SPOCK1: variants seen among roughly 807,000 people sequenced by gnomAD.
SPOCK1 encodes testican-1.
In SPOCK1, 23 loss-of-function variants were observed where a neutral mutation model predicts 55.3. That is an observed-to-expected ratio of 0.42 (90% confidence interval 0.30 to 0.59). SPOCK1 has a LOEUF of 0.59. Ranked by LOEUF, SPOCK1 falls within the 20% of genes least tolerant of loss-of-function variation. SPOCK1 has a pLI of 0.22. For missense variants in SPOCK1, 499 were observed against 552.5 expected, an observed-to-expected ratio of 0.90 and a Z score of 0.97; for synonymous variants, 226 against 221.0, an observed-to-expected ratio of 1.02 and a Z score of -0.20.
intron 2 of SPOCK1, among the ~76,000 whole-genome samples, chr5:137,305,919 A>G (rs1757694528): frequency 6.6e-6 from 1 of 152,242 alleles, no homozygotes; most frequent in African/African-American, 2.4e-5. Context: ...AGATCTTTTA[A>G]CAACAATTAG....
chr5:137,446,967 T>C (rs116164845), intron 2 of SPOCK1, among the ~76,000 whole-genome samples: 3 of 152,208 alleles, frequency 2.0e-5, no homozygotes, highest in Non-Finnish European at 4.4e-5. Flanking sequence ...ATCCATGTTG[T>C]AACATGTGAT....
intron 3 of SPOCK1, among the ~76,000 whole-genome samples, chr5:137,160,570 ATTATAT>A (rs1754518041): frequency 4.1e-5 from 3 of 73,192 alleles, no homozygotes; most frequent in African/African-American, 6.0e-5. Context: ...TATATTATAT[ATTATAT>A]AATATATATA....
chr5:137,422,619 T>A (rs1162391001), intron 2 of SPOCK1, among the ~76,000 whole-genome samples: 1 of 152,252 alleles, frequency 6.6e-6, no homozygotes, highest in Non-Finnish European at 1.5e-5. Flanking sequence ...TTCCCATGCC[T>A]TGGTTTTCAG....
intron 2 of SPOCK1, among the ~76,000 whole-genome samples, chr5:137,338,870 G>GT (rs1175327080): frequency 3.3e-5 from 5 of 152,086 alleles, no homozygotes; most frequent in Admixed American, 6.6e-5. Flanking sequence ...GGGGTTGTTT[G>GT]TTTTTTTCTA....
chr5:137,409,889 G>A (rs1410581724), intron 2 of SPOCK1, among the ~76,000 whole-genome samples: 3 of 152,322 alleles, frequency 2.0e-5, no homozygotes, highest in South Asian at 4.1e-4. Context: ...ATGGTTGAAT[G>A]GAAATTCAGT....
intron 5 of SPOCK1, among the ~76,000 whole-genome samples, chr5:137,075,213 A>G (rs1752733842): frequency 6.6e-6 from 1 of 152,198 alleles, no homozygotes; most frequent in Non-Finnish European, 1.5e-5. Context: ...TAATTATTAA[A>G]CTAATAGCCA....
In SPOCK1 at chr5:137,447,343, C is replaced by G. The variant is rs117290425; in HGVS notation, c.186+51030G>C. Among the ~76,000 whole-genome samples the G allele has an allele frequency of 9.0e-4, 137 of 152,226 alleles. 1 individual carries two copies. Among genetic ancestry groups the G allele is most frequent in the East Asian group, 5.4e-3 (28 of 5,182 alleles). On this transcript the variant is annotated intron_variant, in intron 2 of 10. Coordinates refer to ENST00000394945, the MANE Select transcript of SPOCK1 (RefSeq NM_004598.4). Reference sequence around the variant, plus strand: ...TCGTGTGTGCTACATAACGAATGCCCCTGAATACACAGAGGAGACCATGAC... The same window carrying G: ...TCGTGTGTGCTACATAACGAATGCCGCTGAATACACAGAGGAGACCATGAC...
At chr5:137,239,278 A>C (rs926088205) in intron 3 of SPOCK1, among the ~76,000 whole-genome samples, 1 of 152,206 alleles carries the variant, frequency 6.6e-6, no homozygotes, top group African/African-American at 2.4e-5. Context: ...AAGGTGATGC[A>C]CCCCAACTCC....
intron 3 of SPOCK1, among the ~76,000 whole-genome samples, chr5:137,215,603 T>A (rs1453703846): frequency 6.6e-6 from 1 of 152,066 alleles, no homozygotes. Flanking sequence ...TGTGTATGAG[T>A]TTTTAAGATG....
In SPOCK1 at chr5:136,976,818, T is replaced by G. The variant is rs1485002772; in HGVS notation, c.*1836A>C. The G allele has an allele frequency of 6.6e-6, 1 of 152,248 alleles. No homozygotes were observed. The highest frequency in any genetic ancestry group is 1.5e-5 in the Non-Finnish European group (1 of 68,038). 9.4% of individuals were successfully genotyped at this position (152,248 alleles called of 1,614,324 possible). ...TTGCTATATCAAGTAGTTCATTTCT[T>G]ATCTAAGACCAACTATAGGTATGAT... On this transcript the variant is annotated 3_prime_UTR_variant, in exon 11 of 11. Transcript: ENST00000394945.
In SPOCK1 at chr5:137,070,200, C is replaced by T. The variant is rs111653252; in HGVS notation, c.475-2371G>A. On this transcript the variant is annotated intron_variant, in intron 5 of 10. Transcript: ENST00000394945. ...CAGATAAGGGCTGTTCCCTTCTGCC[C>T]AGGACCCAGAAGGCAGAGAACATGG... 9.0e-3 allele frequency among the ~76,000 whole-genome samples: 1,374 copies of T among 152,304 alleles called. 16 individuals carry two copies. The highest frequency in any genetic ancestry group is 0.013 in the Non-Finnish European group (873 of 68,024).
chr5:137,385,257 T>C (rs890283529), intron 2 of SPOCK1, among the ~76,000 whole-genome samples: 1 of 151,948 alleles, frequency 6.6e-6, no homozygotes, highest in Non-Finnish European at 1.5e-5. Context: ...TTACTAAGAG[T>C]GTGTGGTACA....
At chr5:137,029,191 G>T (rs927898475) in intron 6 of SPOCK1, among the ~76,000 whole-genome samples, 5 of 152,066 alleles carry the variant, frequency 3.3e-5, no homozygotes, top group Admixed American at 6.5e-5. Context: ...CTTGGTTTTG[G>T]TTTATAGAAC....
chr5:137,197,135 C>G (rs1251962577), intron 3 of SPOCK1, among the ~76,000 whole-genome samples: 1 of 152,166 alleles, frequency 6.6e-6, no homozygotes, highest in Non-Finnish European at 1.5e-5. Context: ...TCTGCGAAGA[C>G]TCCAGAATTC....
chr5:137,233,617 T>TA (rs1264358708), intron 3 of SPOCK1, among the ~76,000 whole-genome samples: 1 of 152,074 alleles, frequency 6.6e-6, no homozygotes, highest in Non-Finnish European at 1.5e-5. Flanking sequence ...TATACATGTC[T>TA]TAAGTGTATA....
intron 2 of SPOCK1, among the ~76,000 whole-genome samples, chr5:137,390,470 T>C (rs1313311404): frequency 1.3e-5 from 2 of 152,178 alleles, no homozygotes. Flanking sequence ...CATCTATTTG[T>C]CTTGAGGAAG....
Position 137,400,542 on chromosome 5 carries a change from AT to A in SPOCK1, c.186+97830del, listed in dbSNP as rs1447081750. Among the ~76,000 whole-genome samples, 7 of 152,248 alleles carry A rather than the reference AT, an allele frequency of 4.6e-5. No homozygotes were observed. In the East Asian group the frequency reaches 1.4e-3, roughly 29 times the overall value. On this transcript the variant is annotated intron_variant, in intron 2 of 10. Coordinates refer to ENST00000394945, the MANE Select transcript of SPOCK1 (RefSeq NM_004598.4). Reference sequence around the variant, plus strand: ...ACAGCAAATCTGCAAGCTATGCTGTATTTCCTAGAAAAAAAGTGCCTTGGAT... The same window carrying A: ...ACAGCAAATCTGCAAGCTATGCTGTATTCCTAGAAAAAAAGTGCCTTGGAT...
intron 2 of SPOCK1, among the ~76,000 whole-genome samples, chr5:137,394,549 G>A (rs1751800925): frequency 6.6e-6 from 1 of 152,162 alleles, no homozygotes; most frequent in Admixed American, 6.5e-5. Flanking sequence ...CAGCATTAGT[G>A]CTGGTGACCA....
At chr5:137,430,628 T>C (rs1482289746) in intron 2 of SPOCK1, among the ~76,000 whole-genome samples, 3 of 152,216 alleles carry the variant, frequency 2.0e-5, no homozygotes, top group Non-Finnish European at 4.4e-5. Context: ...GGTATTTTCA[T>C]TATCTTTGTA....
Sources: allele counts gnomAD v4.1 joint callset (sites outside exome capture counted in the v4.1 genomes callset), GRCh38; gene constraint gnomAD v4.1.1; transcripts MANE v1.5; gene names NCBI Gene and HGNC (gene_info 2026-07-23, HGNC 2026-07-21).